Variants in NDUFS1 observed in about 807,000 individuals in gnomAD.
NDUFS1 encodes NADH:ubiquinone oxidoreductase core subunit S1.
Under a neutral mutation model 84.4 loss-of-function variants are expected in NDUFS1, and 61 were observed. The ratio of observed to expected loss-of-function variants is 0.72; its 90% CI spans 0.59 to 0.89. NDUFS1 has a LOEUF of 0.89. NDUFS1 is among the 40% of genes least tolerant of loss of function. The pLI, the probability that NDUFS1 is intolerant of heterozygous loss-of-function variation, is 0.00. For synonymous variants in NDUFS1, 275 were observed against 290.0 expected, an observed-to-expected ratio of 0.95 and a Z score of 0.53; for missense variants, 891 against 890.0, an observed-to-expected ratio of 1.00 and a Z score of -0.01.
chr2:206,156,045 C>A (rs1258921706), intron 1 of NDUFS1, among the ~76,000 whole-genome samples: 1 of 151,290 alleles, frequency 6.6e-6, no homozygotes, highest in Non-Finnish European at 1.5e-5. Flanking sequence ...AGGTGGATCA[C>A]GAGGTCAAGA....
chr2:206,115,992 T>G lies in NDUFS1; in HGVS notation c.*8193A>C. On this transcript the variant is annotated 3_prime_UTR_variant, in exon 19 of 19. Coordinates refer to ENST00000233190, the MANE Select transcript of NDUFS1 (RefSeq NM_005006.7). ...TTTCATTAGCAGTGTTAACAGTAGT[T>G]TTTTTTTCCCATGGGTAATGCTAAA... 1.4e-6 allele frequency: 1 copy of G among 726,946 alleles called. No individual in the cohort carries two copies. Among genetic ancestry groups the G allele is most frequent in the Non-Finnish European group, 2.6e-6 (1 of 391,048 alleles). 45.0% of individuals were successfully genotyped at this position (726,946 alleles called of 1,614,324 possible). A position where few individuals can be genotyped will look rare whatever the true frequency, so the allele number is the denominator to read the frequency against.
At position 206,141,941 on chromosome 2, in the gene NDUFS1, C is replaced by T; in HGVS notation, c.1262G>A (p.Ser421Asn). 1.2e-6 allele frequency: 2 copies of T among 1,610,778 alleles called. No homozygotes were observed. The highest frequency in any genetic ancestry group is 1.3e-5 in the African/African-American group (1 of 74,888). The part of the protein sequence containing the change: ...APLFNARIRK[S>N]WLHNDLKVAL... ...ACCTTGAATAAATACTATTACCAAC[C>T]TCTTTCGAATTCTAGCATTAAACAG... is the stretch of plus-strand genomic sequence containing the variant. The change falls in exon 12 of 19, where the codon AGC becomes AAC. Residue 421 changes from serine to asparagine, a missense_variant and splice_region_variant. Physicochemically the swap from Ser to Asn is conservative, Grantham distance 46. Coordinates refer to ENST00000233190, the MANE Select transcript of NDUFS1 (RefSeq NM_005006.7).
At chr2:206,129,552 G>A (rs1691424482) in intron 15 of NDUFS1, among the ~76,000 whole-genome samples, 1 of 151,624 alleles carries the variant, frequency 6.6e-6, no homozygotes, top group Non-Finnish European at 1.5e-5. Context: ...ATGAGCCACG[G>A]CACCCAAGGA....
At chr2:206,133,520 G>T (rs1209319013) in intron 13 of NDUFS1, among the ~76,000 whole-genome samples, 2 of 152,110 alleles carry the variant, frequency 1.3e-5, no homozygotes, top group Non-Finnish European at 2.9e-5. Flanking sequence ...CCACAGATAG[G>T]GAGGAGGAGG....
chr2:206,133,008 G>C lies in NDUFS1; in HGVS notation c.1490C>G (p.Ala497Gly), dbSNP rs1476202311. Residue 497 changes from alanine to glycine, a missense_variant, in exon 14 of 19, where the codon GCA becomes GGA. Ala to Gly is a moderately conservative substitution (Grantham distance 60, BLOSUM62 0). Transcript: ENST00000233190. ...AAILAAVSSI[A>G]QKIRMTSGVT... is the part of the protein sequence containing the mutation. The stretch of plus-strand genomic sequence containing the variant: ...ACCACTAGTCATCCGAATCTTTTGT[G>C]CAATGCTAGAAACAGCTGCAAGAAT... 6.2e-7 allele frequency: 1 copy of C among 1,613,692 alleles called. No homozygotes were observed. Among genetic ancestry groups the C allele is most frequent in the East Asian group, 2.2e-5 (1 of 44,844 alleles).
At chr2:206,138,693 C>G in intron 12 of NDUFS1, 79 bp from the exon 13 acceptor site, 1 of 1,376,272 alleles carries the variant, frequency 7.3e-7, no homozygotes, top group Non-Finnish European at 1.0e-6. Context: ...AGTGATACAT[C>G]TATTTACTAT....
intron 3 of NDUFS1, among the ~76,000 whole-genome samples, chr2:206,151,927 A>G (rs1382063): frequency 0.43 from 65,454 of 151,896 alleles, 14,507 homozygotes; most frequent in African/African-American, 0.49. Flanking sequence ...GTGCAGTGGC[A>G]CAATCTCGGC....
At chr2:206,151,216 T>C (rs1692359387) in intron 3 of NDUFS1, among the ~76,000 whole-genome samples, 1 of 152,226 alleles carries the variant, frequency 6.6e-6, no homozygotes, top group Non-Finnish European at 1.5e-5. Context: ...TATAAGCTCT[T>C]CTGCATAGCA....
intron 12 of NDUFS1, among the ~76,000 whole-genome samples, chr2:206,141,345 C>A (rs996315372): frequency 1.3e-5 from 2 of 149,956 alleles, no homozygotes; most frequent in African/African-American, 2.4e-5. Context: ...GAGATCGAGA[C>A]CACGGTGAAA....
At chr2:206,158,604 G>C (rs1226349374) in intron 1 of NDUFS1, among the ~76,000 whole-genome samples, 3 of 152,098 alleles carry the variant, frequency 2.0e-5, no homozygotes, top group Non-Finnish European at 2.9e-5. Flanking sequence ...GCCTTAAGTC[G>C]GTGAAAACAA....
intron 2 of NDUFS1, 114 bp downstream of exon 2, chr2:206,153,504 T>A: frequency 1.4e-6 from 1 of 702,336 alleles, no homozygotes; most frequent in Non-Finnish European, 2.5e-6. Flanking sequence ...CCGGTTTCTA[T>A]TTTTATTTTA....
At chr2:206,154,929 T>TC (rs1194655520) in intron 1 of NDUFS1, among the ~76,000 whole-genome samples, 1 of 146,584 alleles carries the variant, frequency 6.8e-6, no homozygotes, top group African/African-American at 2.6e-5. Context: ...GCCCTTTTTT[T>TC]TTTTTTTTTT....
At chr2:206,147,426 C>A in intron 7 of NDUFS1, 105 bp downstream of exon 7, 1 of 1,154,522 alleles carries the variant, frequency 8.7e-7, no homozygotes, top group Non-Finnish European at 1.2e-6. Context: ...CCTCTTCTCC[C>A]ACCCAAAAAA....
rs914422461 is a variant in NDUFS1, at chr2:206,119,713, C to T, written c.*4472G>A. ...TACAGGCTTGAGCTACTGTGCCAGG[C>T]CAAGTATATTTTTAATTAATGTATT... On this transcript the variant is annotated 3_prime_UTR_variant, in exon 19 of 19. Coordinates refer to ENST00000233190, the MANE Select transcript of NDUFS1 (RefSeq NM_005006.7). The T allele has an allele frequency of 6.6e-6, 1 of 152,088 alleles. No individual in the cohort carries two copies. The highest frequency in any genetic ancestry group is 1.5e-5 in the Non-Finnish European group (1 of 68,036). 9.4% of individuals were successfully genotyped at this position (152,088 alleles called of 1,614,324 possible).
Position 206,116,084 on chromosome 2 carries a change from T to C in NDUFS1, c.*8101A>G. On this transcript the variant is annotated 3_prime_UTR_variant, in exon 19 of 19. Coordinates refer to ENST00000233190, the MANE Select transcript of NDUFS1 (RefSeq NM_005006.7). ...AACTCTGCTGGGTTGCGTTATTTCATACTAGCTTATTTAGTGGTTCCATTT... is the reference window on the plus strand; with the variant it reads ...AACTCTGCTGGGTTGCGTTATTTCACACTAGCTTATTTAGTGGTTCCATTT... The C allele has an allele frequency of 1.8e-6, 2 of 1,110,984 alleles. No homozygotes were observed. Among genetic ancestry groups the C allele is most frequent in the South Asian group, 1.2e-5 (1 of 80,866 alleles). 68.8% of individuals were successfully genotyped at this position (1,110,984 alleles called of 1,614,324 possible).
intron 1 of NDUFS1, among the ~76,000 whole-genome samples, chr2:206,156,281 AAT>A (rs1250293204): frequency 8.1e-4 from 97 of 119,584 alleles, no homozygotes; most frequent in African/African-American, 3.0e-3. Context: ...AAAAAAAAAA[AAT>A]GCAAATTGGA....
intron 17 of NDUFS1, 46 bp downstream of exon 17, chr2:206,126,664 C>G (rs375291720): frequency 2.2e-5 from 35 of 1,613,846 alleles, no homozygotes; most frequent in Non-Finnish European, 2.7e-5. Flanking sequence ...TACTGTTACA[C>G]CAGTAGATAC....
intron 1 of NDUFS1, among the ~76,000 whole-genome samples, chr2:206,157,193 C>T (rs1687691280): frequency 2.6e-5 from 4 of 152,204 alleles, no homozygotes; most frequent in African/African-American, 9.6e-5. Context: ...CTCAGTGATC[C>T]ACCCGCGTCG....
chr2:206,156,370 A>T (rs953799757), intron 1 of NDUFS1, among the ~76,000 whole-genome samples: 1 of 151,100 alleles, frequency 6.6e-6, no homozygotes, highest in Non-Finnish European at 1.5e-5. Flanking sequence ...TCTAACAGTT[A>T]GAGGCCAGCC....
Sources: gnomAD v4.1 joint callset for allele counts (sites outside exome capture counted in the v4.1 genomes callset) on GRCh38, gnomAD v4.1.1 for gene constraint, MANE v1.5 for transcripts, NCBI Gene and HGNC (gene_info 2026-07-23, HGNC 2026-07-21) for gene names.